EXOC6B: variants seen among roughly 807,000 people sequenced by gnomAD.
The protein encoded by EXOC6B is exocyst complex component 6B, also known as SEC15 homolog B.
EXOC6B carries 54 observed loss-of-function variants against 113.5 expected under a neutral mutation model. The ratio of observed to expected loss-of-function variants is 0.48; its 90% CI spans 0.38 to 0.60. The LOEUF (loss-of-function observed/expected upper bound fraction) is 0.60. Among genes scored for constraint, EXOC6B ranks in the 20% least tolerant of loss-of-function variants. EXOC6B has a pLI of 0.00. For synonymous variants in EXOC6B, 357 were observed against 339.0 expected, an observed-to-expected ratio of 1.05 and a Z score of -0.58; for missense variants, 797 against 977.5, an observed-to-expected ratio of 0.82 and a Z score of 2.46.
intron 18 of EXOC6B, among the ~76,000 whole-genome samples, chr2:72,443,437 A>G (rs1437356473): frequency 2.6e-5 from 4 of 152,188 alleles, no homozygotes. Flanking sequence ...AGCTGACAAA[A>G]GCAAGCAATG....
chr2:72,366,173 T>C (rs1463229497), intron 19 of EXOC6B, among the ~76,000 whole-genome samples: 1 of 152,014 alleles, frequency 6.6e-6, no homozygotes, highest in Non-Finnish European at 1.5e-5. Context: ...GACTGTTACA[T>C]AGCTATTATA....
chr2:72,666,486 C>G (rs552934849), intron 6 of EXOC6B, among the ~76,000 whole-genome samples: 1 of 151,920 alleles, frequency 6.6e-6, no homozygotes, highest in South Asian at 2.1e-4. Context: ...AATGCCCACT[C>G]TCACCATTCC....
chr2:72,784,564 T>A (rs1030000265), intron 1 of EXOC6B, among the ~76,000 whole-genome samples: 6 of 152,144 alleles, frequency 3.9e-5, no homozygotes, highest in African/African-American at 1.4e-4. Context: ...TGAAGGGCAC[T>A]TCTTATATGG....
chr2:72,188,825 T>C (rs752442094), intron 20 of EXOC6B, among the ~76,000 whole-genome samples: 9 of 152,204 alleles, frequency 5.9e-5, no homozygotes, highest in Non-Finnish European at 1.2e-4. Flanking sequence ...ATAAGCATAG[T>C]ATAAAGAGCA....
At chr2:72,353,877 T>G (rs1441239350) in intron 19 of EXOC6B, among the ~76,000 whole-genome samples, 1 of 152,206 alleles carries the variant, frequency 6.6e-6, no homozygotes, top group Non-Finnish European at 1.5e-5. Flanking sequence ...TGGCATTACT[T>G]ATTCTTTCTG....
intron 6 of EXOC6B, among the ~76,000 whole-genome samples, chr2:72,650,634 A>C (rs1674095169): frequency 6.6e-6 from 1 of 151,682 alleles, no homozygotes; most frequent in South Asian, 2.1e-4. Flanking sequence ...AAAAGAAAAG[A>C]GAAAAGAAAA....
At chr2:72,665,143 A>G (rs1675298375) in intron 6 of EXOC6B, among the ~76,000 whole-genome samples, 1 of 152,192 alleles carries the variant, frequency 6.6e-6, no homozygotes, top group Non-Finnish European at 1.5e-5. Flanking sequence ...TGACAAAGGG[A>G]GCACCATGGC....
intron 1 of EXOC6B, among the ~76,000 whole-genome samples, chr2:72,809,443 ATAAAG>A (rs1472280545): frequency 2.5e-4 from 38 of 152,356 alleles, no homozygotes; most frequent in South Asian, 4.1e-4. Flanking sequence ...TTATCATCAA[ATAAAG>A]TAGACTTCAG....
At chr2:72,310,903 T>C (rs1350053728) in intron 20 of EXOC6B, among the ~76,000 whole-genome samples, 1 of 150,506 alleles carries the variant, frequency 6.6e-6, no homozygotes, top group Non-Finnish European at 1.5e-5. Context: ...CTAGTATTAA[T>C]ATTATAGCCA....
rs1392318571 is a variant in EXOC6B at position 72,731,053 on chromosome 2, C to T, written c.419-1G>A. On this transcript the variant is annotated splice_acceptor_variant, in intron 4 of 21. Transcript: ENST00000272427. LOFTEE classifies it high-confidence loss of function. The stretch of plus-strand genomic sequence containing the variant: ...CTCAGTTTGCTGTACATCTCTAGGA[C>T]TTAAAAGAAAGAAAAGAATACACAA... 6.4e-7 allele frequency: 1 copy of T among 1,552,274 alleles called. No individual in the cohort carries two copies. Among genetic ancestry groups the T allele is most frequent in the Non-Finnish European group, 8.7e-7 (1 of 1,149,302 alleles).
At chr2:72,442,211 T>C (rs527589522) in intron 18 of EXOC6B, among the ~76,000 whole-genome samples, 1 of 152,160 alleles carries the variant, frequency 6.6e-6, no homozygotes, top group South Asian at 2.1e-4. Context: ...TCCATTCATG[T>C]TAAAAACTCT....
At chr2:72,767,596 G>T (rs1573763424) in intron 1 of EXOC6B, among the ~76,000 whole-genome samples, 1 of 151,348 alleles carries the variant, frequency 6.6e-6, no homozygotes, top group East Asian at 1.9e-4. Flanking sequence ...ATTGCTTGAG[G>T]CTAAGGAGTT....
At chr2:72,277,866 T>C (rs2104656517) in intron 20 of EXOC6B, among the ~76,000 whole-genome samples, 1 of 152,182 alleles carries the variant, frequency 6.6e-6, no homozygotes, top group South Asian at 2.1e-4. Context: ...TATATAAAAT[T>C]ATCATCTCCA....
chr2:72,707,885 G>C (rs748590427), intron 6 of EXOC6B, among the ~76,000 whole-genome samples: 3 of 151,776 alleles, frequency 2.0e-5, no homozygotes, highest in Non-Finnish European at 4.4e-5. Context: ...ATGCTATAGA[G>C]GAAAAGAAAT....
At chr2:72,577,216 C>T (rs1198706524) in intron 6 of EXOC6B, among the ~76,000 whole-genome samples, 1 of 151,974 alleles carries the variant, frequency 6.6e-6, no homozygotes, top group Non-Finnish European at 1.5e-5. Context: ...TAGAGAAGTA[C>T]CCCAAATCAT....
At chr2:72,209,484 A>G (rs1680050678) in intron 20 of EXOC6B, among the ~76,000 whole-genome samples, 1 of 152,154 alleles carries the variant, frequency 6.6e-6, no homozygotes, top group South Asian at 2.1e-4. Context: ...ACTGTACTCC[A>G]GCCTGGGCAA....
In EXOC6B at chr2:72,285,838, A is replaced by G. The variant is rs554089896; in HGVS notation, c.2196+49109T>C. Among the ~76,000 whole-genome samples, 18 of 152,306 alleles carry G rather than the reference A, an allele frequency of 1.2e-4. 1 individual carries two copies. Among genetic ancestry groups the G allele is most frequent in the African/African-American group, 4.1e-4 (17 of 41,582 alleles). ...AAAAATGGAGCAAAGATCTTAACAGATACCTCACCGAAGAAGATATCATGG... is the reference window on the plus strand; with the variant it reads ...AAAAATGGAGCAAAGATCTTAACAGGTACCTCACCGAAGAAGATATCATGG... On this transcript the variant is annotated intron_variant, in intron 20 of 21. Coordinates refer to ENST00000272427, the MANE Select transcript of EXOC6B (RefSeq NM_015189.3).
chr2:72,355,144 G>C (rs1332187858), intron 19 of EXOC6B, among the ~76,000 whole-genome samples: 4 of 152,166 alleles, frequency 2.6e-5, no homozygotes, highest in Non-Finnish European at 5.9e-5. Context: ...AATATCTGCA[G>C]TGTGCCAGCT....
intron 5 of EXOC6B, among the ~76,000 whole-genome samples, chr2:72,727,457 G>A (rs1680367985): frequency 6.6e-6 from 1 of 152,090 alleles, no homozygotes; most frequent in Admixed American, 6.6e-5. Flanking sequence ...AGACTAAAGA[G>A]ACATGACAAC....
Sources: gnomAD v4.1 joint callset for allele counts (sites outside exome capture counted in the v4.1 genomes callset) on GRCh38, gnomAD v4.1.1 for gene constraint, MANE v1.5 for transcripts, NCBI Gene and HGNC (gene_info 2026-07-23, HGNC 2026-07-21) for gene names.